The following DYNC1LI2 variants were observed in gnomAD, a reference collection of about 807,000 sequenced individuals.
The protein encoded by DYNC1LI2 is dynein cytoplasmic 1 light intermediate chain 2, also known as cytoplasmic dynein 1 light intermediate chain 2.
A neutral mutation model predicts 57.8 loss-of-function variants in DYNC1LI2; 19 were observed. The ratio of observed to expected loss-of-function variants is 0.33; its 90% CI spans 0.23 to 0.48. The LOEUF (loss-of-function observed/expected upper bound fraction) is 0.48. Ranked by LOEUF, DYNC1LI2 falls within the 20% of genes least tolerant of loss-of-function variation. The probability of loss-of-function intolerance (pLI) is 0.99; values close to 1 mark genes in which losing one functional copy is unlikely to be tolerated. For synonymous variants in DYNC1LI2, 256 were observed against 233.4 expected (o/e 1.10, Z -0.88); for missense variants, 470 against 604.2 (o/e 0.78, Z 2.33).
intron 8 of DYNC1LI2, among the ~76,000 whole-genome samples, chr16:66,729,316 C>G (rs2017592296): frequency 6.6e-6 from 1 of 152,154 alleles, no homozygotes; most frequent in Non-Finnish European, 1.5e-5. Flanking sequence ...CTGGCAGGTT[C>G]TAAACACCTC....
chr16:66,738,930 CA>C (rs1567454255), intron 4 of DYNC1LI2: 197 of 131,534 alleles, frequency 1.5e-3, no homozygotes, highest in African/African-American at 5.2e-3. Flanking sequence ...CACACACACA[CA>C]CACAAATACT....
At chr16:66,742,308 G>T in intron 4 of DYNC1LI2, 130 bp downstream of exon 4, 1 of 893,170 alleles carries the variant, frequency 1.1e-6, no homozygotes, top group Non-Finnish European at 1.7e-6. Flanking sequence ...GAGGAACTCT[G>T]AAATAAATGG....
intron 4 of DYNC1LI2, among the ~76,000 whole-genome samples, chr16:66,741,676 G>A (rs1417906320): frequency 3.3e-5 from 5 of 151,952 alleles, no homozygotes; most frequent in Non-Finnish European, 5.9e-5. Context: ...CGGCCAGGAC[G>A]GCTGCTGCTG....
intron 7 of DYNC1LI2, chr16:66,731,498 T>TCTACCATTTGTCTTCCAGCATCA (rs2017636529): frequency 6.6e-6 from 1 of 152,298 alleles, no homozygotes; most frequent in Admixed American, 6.5e-5. Flanking sequence ...CCGCCTGGGA[T>TCTACCATTTGTCTTCCAGCATCA]CTACCATTTG....
At chr16:66,749,562 G>C (rs79488186) in intron 2 of DYNC1LI2, among the ~76,000 whole-genome samples, 129 of 152,150 alleles carry the variant, frequency 8.5e-4, no homozygotes, top group African/African-American at 3.0e-3. Flanking sequence ...ACTTCAAAAG[G>C]GAAATAATGA....
At chr16:66,730,748 G>C (rs908344598) in intron 7 of DYNC1LI2, 2 of 152,632 alleles carry the variant, frequency 1.3e-5, no homozygotes, top group African/African-American at 4.8e-5. Context: ...AGCAGGGCCT[G>C]TGTTTATCCT....
chr16:66,749,240 G>A lies in DYNC1LI2; in HGVS notation c.255C>T (p.Gly85=), dbSNP rs984798944. The change falls in exon 3 of 13, where the codon GGC becomes GGT. Residue 85 remains glycine, a synonymous_variant. Transcript: ENST00000258198. ...GGACACTGAGGTAGAGATATTCTAG[G>A]CCTCTTCCTTTTTTGCCATGCTCAG... ...QGAEHGKKGR[G]LEYLYLSVHD... 2 of 1,614,186 alleles carry A rather than the reference G, an allele frequency of 1.2e-6. No individual in the cohort carries two copies. Among genetic ancestry groups the A allele is most frequent in the Non-Finnish European group, 1.7e-6 (2 of 1,180,050 alleles).
intron 8 of DYNC1LI2, 85 bp downstream of exon 8, chr16:66,730,027 C>T (rs1258278996): frequency 1.0e-5 from 12 of 1,171,396 alleles, no homozygotes; most frequent in East Asian, 2.5e-5. Context: ...GTGATCTGCC[C>T]GCTTTGGCCT....
chr16:66,746,644 T>A (rs1315559282), intron 3 of DYNC1LI2, among the ~76,000 whole-genome samples: 2 of 152,202 alleles, frequency 1.3e-5, no homozygotes, highest in Non-Finnish European at 1.5e-5. Context: ...TATGGTATCT[T>A]GAAACAGAAG....
Position 66,723,272 on chromosome 16 carries a change from A to C in DYNC1LI2, c.*450T>G, listed in dbSNP as rs1381462396. 5 of 451,840 alleles carry C rather than the reference A, an allele frequency of 1.1e-5. No individual in the cohort carries two copies. In the East Asian group the frequency reaches 3.5e-4, roughly 31 times the overall value. 28.0% of individuals were successfully genotyped at this position (451,840 alleles called of 1,614,324 possible). A position where few individuals can be genotyped will look rare whatever the true frequency, so the allele number is the denominator to read the frequency against. ...CAGCTTCCCCACCATCACTTGTCTC[A>C]TTACTCCTTCTGGTCTTTCTTTCCT... On this transcript the variant is annotated 3_prime_UTR_variant, in exon 13 of 13. Transcript: ENST00000258198.
At chr16:66,728,922 C>G in intron 9 of DYNC1LI2, 118 bp downstream of exon 9, 1 of 1,031,172 alleles carries the variant, frequency 9.7e-7, no homozygotes. Flanking sequence ...TGGTCTCAAC[C>G]CCTCTACCAC....
chr16:66,728,135 T>C, intron 10 of DYNC1LI2, 66 bp downstream of exon 10: 1 of 1,594,020 alleles, frequency 6.3e-7, no homozygotes, highest in Non-Finnish European at 8.6e-7. Context: ...TCACAAATAA[T>C]GGTATAAAGT....
At chr16:66,739,005 G>C (rs2017790624) in intron 4 of DYNC1LI2, 1 of 151,270 alleles carries the variant, frequency 6.6e-6, no homozygotes, top group Admixed American at 6.6e-5. Context: ...AAACAGAGAA[G>C]AACTCCTCCA....
At chr16:66,738,755 A>T (rs1172187610) in intron 4 of DYNC1LI2, 2 of 151,886 alleles carry the variant, frequency 1.3e-5, no homozygotes, top group Admixed American at 1.3e-4. Flanking sequence ...GGCACCTGTA[A>T]TCCCAGCTAC....
At chr16:66,732,808 A>G in intron 6 of DYNC1LI2, 2 of 181,620 alleles carry the variant, frequency 1.1e-5, no homozygotes, top group Admixed American at 6.1e-5. Flanking sequence ...CCTGAGAAGT[A>G]AAGTATTGGC....
intron 4 of DYNC1LI2, chr16:66,739,341 T>G (rs1405227075): frequency 6.6e-6 from 1 of 152,228 alleles, no homozygotes; most frequent in Non-Finnish European, 1.5e-5. Context: ...GAGAAAATAG[T>G]TCAGAAGCCC....
rs1253630366 is a variant in DYNC1LI2 at position 66,721,086 on chromosome 16, C to T, written c.*2636G>A. ...AACACCAATAAATTTAGTATACAGA[C>T]GACAGTGAACTTTCACTTACAGCAT... On this transcript the variant is annotated 3_prime_UTR_variant, in exon 13 of 13. Coordinates refer to ENST00000258198, the MANE Select transcript of DYNC1LI2 (RefSeq NM_006141.3). 1.3e-5 allele frequency: 2 copies of T among 152,546 alleles called. No homozygotes were observed. The highest frequency in any genetic ancestry group is 2.9e-5 in the Non-Finnish European group (2 of 68,034). The allele number at this position is 152,546 out of a possible 1,614,324, so 9.4% of individuals were successfully genotyped here. A position where few individuals can be genotyped will look rare whatever the true frequency, so the allele number is the denominator to read the frequency against.
rs2017481091 is a variant in DYNC1LI2 at position 66,723,355 on chromosome 16, T to C, written c.*367A>G. On this transcript the variant is annotated 3_prime_UTR_variant, in exon 13 of 13. Transcript: ENST00000258198. ...ACAAGTGAATTTACTAACATGAAAC[T>C]GGTCAGACTAACCATCATCTTACCA... The C allele has an allele frequency of 2.2e-6, 1 of 464,052 alleles. No individual in the cohort carries two copies. Among genetic ancestry groups the C allele is most frequent in the Non-Finnish European group, 4.3e-6 (1 of 231,972 alleles). The allele number at this position is 464,052 out of a possible 1,614,324, so 28.7% of individuals were successfully genotyped here. A position where few individuals can be genotyped will look rare whatever the true frequency, so the allele number is the denominator to read the frequency against.
chr16:66,733,050 CA>C (rs2017667128), intron 6 of DYNC1LI2: 1 of 152,212 alleles, frequency 6.6e-6, no homozygotes, highest in Non-Finnish European at 1.5e-5. Flanking sequence ...TAACAGGACT[CA>C]AAAGACTACA....
Sources: gnomAD v4.1 joint callset for allele counts (sites outside exome capture counted in the v4.1 genomes callset) on GRCh38, gnomAD v4.1.1 for gene constraint, MANE v1.5 for transcripts, NCBI Gene and HGNC (gene_info 2026-07-23, HGNC 2026-07-21) for gene names.